Variants in ZNF354A observed in about 807,000 individuals in gnomAD.
ZNF354A encodes the protein epididymis luminal protein 104.
A neutral mutation model predicts 53.3 loss-of-function variants in ZNF354A; 25 were observed. The observed-to-expected ratio is 0.47, with a 90% CI of 0.34 to 0.66. The LOEUF (loss-of-function observed/expected upper bound fraction) is 0.66, where lower values mean the gene tolerates loss of function less well. Among genes scored for constraint, ZNF354A ranks in the 30% least tolerant of loss-of-function variants. ZNF354A has a pLI of 0.01. For synonymous variants in ZNF354A, 228 were observed against 249.0 expected (o/e 0.92, Z 0.79); for missense variants, 586 against 716.8 (o/e 0.82, Z 2.08).
At chr5:178,719,925 C>A (rs1055260046) in intron 4 of ZNF354A, among the ~76,000 whole-genome samples, 2 of 145,124 alleles carry the variant, frequency 1.4e-5, no homozygotes, top group Non-Finnish European at 3.0e-5. Flanking sequence ...CCAGCCTGGG[C>A]GACAGAGCGA....
chr5:178,726,513 A>G (rs988511941), intron 3 of ZNF354A, among the ~76,000 whole-genome samples: 1 of 149,894 alleles, frequency 6.7e-6, no homozygotes, highest in East Asian at 2.0e-4. Flanking sequence ...CGTTAGCCAG[A>G]ATGGTCTCTA....
Position 178,716,804 on chromosome 5 carries a change from C to T in ZNF354A, c.257-3183G>A, listed in dbSNP as rs865927663. ...AAAATAAGCCTGGAACGGGGCCGGG[C>T]GTGGTGGCTCACAGCTGCAATCCTA... On this transcript the variant is annotated intron_variant, in intron 4 of 4. Transcript: ENST00000335815. 1.4e-4 allele frequency among the ~76,000 whole-genome samples: 22 copies of T among 151,966 alleles called. No homozygotes were observed. In the South Asian group the frequency reaches 2.1e-3, roughly 14 times the overall value.
intron 1 of ZNF354A, 56 bp downstream of exon 1, chr5:178,730,500 G>A (rs1046630178): frequency 1.3e-5 from 2 of 152,128 alleles, no homozygotes; most frequent in Non-Finnish European, 2.9e-5. Context: ...GCAGCCGCAG[G>A]CAGTCCCCGT....
chr5:178,714,060 G>A (rs1280048863), intron 4 of ZNF354A, among the ~76,000 whole-genome samples: 1 of 151,516 alleles, frequency 6.6e-6, no homozygotes, highest in Non-Finnish European at 1.5e-5. Flanking sequence ...AGGCTCGAGT[G>A]CAGTGGCGCG....
chr5:178,714,309 T>C (rs141059257), intron 4 of ZNF354A, among the ~76,000 whole-genome samples: 1 of 152,148 alleles, frequency 6.6e-6, no homozygotes, highest in East Asian at 1.9e-4. Context: ...TCAGCCTTTA[T>C]ATAATTATTC....
At chr5:178,714,980 T>A (rs555453205) in intron 4 of ZNF354A, among the ~76,000 whole-genome samples, 1 of 152,292 alleles carries the variant, frequency 6.6e-6, no homozygotes, top group South Asian at 2.1e-4. Context: ...TACTCATGCA[T>A]CAAGCAAGAG....
chr5:178,727,146 A>C, intron 2 of ZNF354A, 21 bp from the exon 3 acceptor site: 2 of 1,606,468 alleles, frequency 1.2e-6, no homozygotes, highest in Non-Finnish European at 1.7e-6. Context: ...AAGTCGTTCC[A>C]GCTCACCCAG....
At chr5:178,725,234 C>T (rs1200809789) in intron 4 of ZNF354A, 142 bp downstream of exon 4, 2 of 808,862 alleles carry the variant, frequency 2.5e-6, no homozygotes, top group Non-Finnish European at 4.3e-6. Context: ...GTGAATCCTG[C>T]CTAAGAGCCT....
intron 4 of ZNF354A, among the ~76,000 whole-genome samples, chr5:178,717,646 G>A (rs1258389916): frequency 6.6e-6 from 1 of 152,096 alleles, no homozygotes; most frequent in Non-Finnish European, 1.5e-5. Flanking sequence ...TATTATTCTG[G>A]AGATCTGGGG....
chr5:178,713,660 A>G (rs1179996478), intron 4 of ZNF354A, 39 bp from the exon 5 acceptor site: 1 of 1,509,120 alleles, frequency 6.6e-7, no homozygotes, highest in South Asian at 1.4e-5. Context: ...TTCATGTGAT[A>G]TCATAGCATC....
At chr5:178,724,854 T>C (rs1318228184) in intron 4 of ZNF354A, among the ~76,000 whole-genome samples, 2 of 152,236 alleles carry the variant, frequency 1.3e-5, no homozygotes, top group Non-Finnish European at 2.9e-5. Flanking sequence ...AGGGTGGTGA[T>C]GCTCACAGGT....
Position 178,713,334 on chromosome 5 carries a change from T to C in ZNF354A, c.544A>G (p.Arg182Gly), listed in dbSNP as rs142035452. 1,302 of 1,614,190 alleles carry C rather than the reference T, an allele frequency of 8.1e-4. 9 individuals are homozygous for C. In the African/African-American group the frequency reaches 0.015, roughly 19 times the overall value. ...SVLIRQQILP[R>G]EKTPPKCEIQ... ...TCACATTTTGGTGGTGTTTTTTCTC[T>C]GGGAAGTATCTGTTGCCTAATAAGC... The change falls in exon 5 of 5, where the codon AGA becomes GGA. Residue 182 changes from arginine to glycine, a missense_variant. Physicochemically the swap from Arg to Gly is moderately radical, Grantham distance 125. This residue lies in a region of ZNF354A where 573 missense variants were observed against 680.1 expected (regional missense o/e 0.84). Coordinates refer to ENST00000335815, the MANE Select transcript of ZNF354A (RefSeq NM_005649.3).
At chr5:178,727,232 G>A (rs1258495853) in intron 2 of ZNF354A, 107 bp from the exon 3 acceptor site, 1 of 1,263,282 alleles carries the variant, frequency 7.9e-7, no homozygotes, top group Non-Finnish European at 1.1e-6. Context: ...TACTATTCAA[G>A]CTTCTGAAGG....
chr5:178,718,873 C>T (rs575210997), intron 4 of ZNF354A, among the ~76,000 whole-genome samples: 8 of 152,182 alleles, frequency 5.3e-5, no homozygotes, highest in Non-Finnish European at 8.8e-5. Context: ...GCAGGAACTA[C>T]GGGTGCACAC....
chr5:178,714,912 G>T (rs540051682), intron 4 of ZNF354A, among the ~76,000 whole-genome samples: 22 of 152,158 alleles, frequency 1.4e-4, no homozygotes, highest in Admixed American at 1.0e-3. Flanking sequence ...TGAATTAATC[G>T]ACAAGAGGTG....
intron 4 of ZNF354A, among the ~76,000 whole-genome samples, chr5:178,722,976 G>A (rs923672095): frequency 6.6e-6 from 1 of 152,184 alleles, no homozygotes; most frequent in Non-Finnish European, 1.5e-5. Flanking sequence ...AGAAAAAGCA[G>A]GGCAGAGGCC....
At chr5:178,728,464 A>AC (rs1561622680) in intron 2 of ZNF354A, among the ~76,000 whole-genome samples, 35 of 151,334 alleles carry the variant, frequency 2.3e-4, no homozygotes, top group South Asian at 1.9e-3. Flanking sequence ...TGCATACACA[A>AC]ACACACACAC....
chr5:178,727,370 T>C (rs909130907), intron 2 of ZNF354A, among the ~76,000 whole-genome samples: 1 of 151,988 alleles, frequency 6.6e-6, no homozygotes, highest in Non-Finnish European at 1.5e-5. Context: ...TTAGTGGGAG[T>C]GTTAATTAGA....
intron 3 of ZNF354A, chr5:178,725,959 T>C (rs981860177): frequency 7.7e-6 from 2 of 260,592 alleles, no homozygotes; most frequent in Non-Finnish European, 1.6e-5. Context: ...GTGATTTTCC[T>C]GCCTCAGTCT....
Sources: allele counts gnomAD v4.1 joint callset (sites outside exome capture counted in the v4.1 genomes callset), GRCh38; gene constraint gnomAD v4.1.1; regional missense constraint gnomAD v4.1.1; transcripts MANE v1.5; gene names NCBI Gene and HGNC (gene_info 2026-07-23, HGNC 2026-07-21).